Variants in MYO7B observed in about 807,000 individuals in gnomAD.
The protein encoded by MYO7B is unconventional myosin-VIIb.
Under a neutral mutation model 259.7 loss-of-function variants are expected in MYO7B, and 212 were observed. The observed-to-expected ratio is 0.82, with a 90% confidence interval of 0.73 to 0.91. The LOEUF (loss-of-function observed/expected upper bound fraction) is 0.91, where lower values mean the gene tolerates loss of function less well. Ranked by LOEUF, MYO7B falls within the 40% of genes least tolerant of loss-of-function variation. MYO7B has a pLI of 0.00. For synonymous variants in MYO7B, 1,197 were observed against 1,166.4 expected (o/e 1.03, Z -0.54); for missense variants, 2,732 against 2,813.5 (o/e 0.97, Z 0.66).
At chr2:127,543,741 T>C (rs890043082) in intron 1 of MYO7B, among the ~76,000 whole-genome samples, 3 of 151,252 alleles carry the variant, frequency 2.0e-5, no homozygotes, top group South Asian at 2.1e-4. Flanking sequence ...TCTCTCTCCA[T>C]ATATATATAT....
At chr2:127,631,044 T>G (rs1239981856) in intron 36 of MYO7B, 136 bp downstream of exon 36, 2 of 1,373,580 alleles carry the variant, frequency 1.5e-6, no homozygotes, top group Non-Finnish European at 2.0e-6. Flanking sequence ...GCCACCCATG[T>G]GGAGCCTGCC....
At chr2:127,564,703 C>T (rs913210978) in intron 3 of MYO7B, among the ~76,000 whole-genome samples, 5 of 152,146 alleles carry the variant, frequency 3.3e-5, no homozygotes, top group Admixed American at 6.5e-5. Flanking sequence ...AGTGTCCAGC[C>T]GGTCACTTAG....
intron 10 of MYO7B, 78 bp from the exon 11 acceptor site, chr2:127,581,813 G>C: frequency 6.3e-7 from 1 of 1,592,936 alleles, no homozygotes; most frequent in South Asian, 1.1e-5. Flanking sequence ...GAGGGAACAA[G>C]ACTTGGCAGA....
Position 127,546,284 on chromosome 2 carries a change from G to A in MYO7B, c.-24+10453G>A, listed in dbSNP as rs1445100785. 6.6e-6 allele frequency among the ~76,000 whole-genome samples: 1 copy of A among 152,190 alleles called. No homozygotes were observed. Among genetic ancestry groups the A allele is most frequent in the Non-Finnish European group, 1.5e-5 (1 of 68,044 alleles). The stretch of plus-strand genomic sequence containing the variant: ...GATCTGTGAAGTGGGATGTCTCCAT[G>A]GACAGCACAGGGTTGCTGTGGGGCT... On this transcript the variant is annotated intron_variant, in intron 1 of 47. Transcript: ENST00000409816. The surrounding 1 kb of genome is among the most constrained non-coding windows in gnomAD (Gnocchi z 4.2).
intron 38 of MYO7B, 31 bp downstream of exon 38, chr2:127,631,784 G>A (rs749002193): frequency 1.9e-6 from 3 of 1,605,044 alleles, no homozygotes; most frequent in African/African-American, 2.7e-5. Context: ...GCCCACGCGG[G>A]CACCCTCAGT....
At chr2:127,591,594 G>A (rs977576080) in intron 16 of MYO7B, among the ~76,000 whole-genome samples, 1 of 152,242 alleles carries the variant, frequency 6.6e-6, no homozygotes, top group Non-Finnish European at 1.5e-5. Context: ...GTGAAGCGCA[G>A]CTAAACACTT....
chr2:127,636,376 CCAGCCCCAG>C lies in MYO7B; in HGVS notation c.6123+56_6123+64del, dbSNP rs1382411929. Reference sequence around the variant, plus strand: ...CCTACCCAAGCAGGCTCCGCTCAGCCCAGCCCCAGCAGGCCCAGCGTCAACCAGCACACA... The same window carrying C: ...CCTACCCAAGCAGGCTCCGCTCAGCCCAGGCCCAGCGTCAACCAGCACACA... On this transcript the variant is annotated intron_variant, in intron 45 of 47. Transcript: ENST00000409816. This position sits in a 1 kb window ranked among gnomAD's most constrained non-coding sequence, Gnocchi z 4.5. 73 of 1,546,842 alleles carry C rather than the reference CCAGCCCCAG, an allele frequency of 4.7e-5. No individual in the cohort carries two copies. Among genetic ancestry groups the C allele is most frequent in the Non-Finnish European group, 8.9e-6 (10 of 1,121,842 alleles).
chr2:127,627,005 C>G lies in MYO7B; in HGVS notation c.4246C>G (p.Leu1416Val). ...ATACACTCAGAAGCAAGTCACACCACTGGCCGTGCGAGAGCAGGTGGTGGA... is the reference window on the plus strand; with the variant it reads ...ATACACTCAGAAGCAAGTCACACCAGTGGCCGTGCGAGAGCAGGTGGTGGA... ...APYTQKQVTP[L>V]AVREQVVDAA... The change falls in exon 32 of 48, where the codon CTG (leucine) becomes GTG (valine). Residue 1416 changes from leucine to valine, a missense_variant. Leu to Val is a conservative substitution (Grantham distance 32, BLOSUM62 1). Around this residue, in one of 3 missense-constraint regions of MYO7B, gnomAD observed 1,906 missense variants for 2,026.4 expected, o/e 0.94. Coordinates refer to ENST00000409816, the MANE Select transcript of MYO7B (RefSeq NM_001393586.1). The surrounding 1 kb of genome is among the most constrained non-coding windows in gnomAD (Gnocchi z 5.6). The G allele has an allele frequency of 6.2e-7, 1 of 1,611,724 alleles. No individual in the cohort carries two copies. The highest frequency in any genetic ancestry group is 8.5e-7 in the Non-Finnish European group (1 of 1,179,298).
rs531331268 is a variant in MYO7B, at chr2:127,632,414, C to T, written c.5405+13C>T. On this transcript the variant is annotated intron_variant, in intron 39 of 47. Coordinates refer to ENST00000409816, the MANE Select transcript of MYO7B (RefSeq NM_001393586.1). ...AGAAGGTCCTGAGGTGAGCCCAGTGCCTCCAGCCCCCAGCATTGGCCCTGG... is the reference window on the plus strand; with the variant it reads ...AGAAGGTCCTGAGGTGAGCCCAGTGTCTCCAGCCCCCAGCATTGGCCCTGG... 3.3e-6 allele frequency: 5 copies of T among 1,517,596 alleles called. No homozygotes were observed. Among genetic ancestry groups the T allele is most frequent in the Admixed American group, 2.2e-5 (1 of 46,432 alleles). 94.0% of individuals were successfully genotyped at this position (1,517,596 alleles called of 1,614,324 possible).
chr2:127,594,921 G>A (rs1679704985), intron 18 of MYO7B, among the ~76,000 whole-genome samples: 1 of 152,138 alleles, frequency 6.6e-6, no homozygotes, highest in African/African-American at 2.4e-5. Flanking sequence ...CAGGAATATT[G>A]GCCTGAAGTT....
At chr2:127,561,670 G>T (rs1456928171) in intron 2 of MYO7B, among the ~76,000 whole-genome samples, 1 of 152,168 alleles carries the variant, frequency 6.6e-6, no homozygotes, top group African/African-American at 2.4e-5. Context: ...TGTGAAGCGG[G>T]CCCTTTCAAC....
chr2:127,551,941 A>C (rs1573611847), intron 1 of MYO7B, among the ~76,000 whole-genome samples: 1 of 151,988 alleles, frequency 6.6e-6, no homozygotes. Context: ...AGGCCATGAG[A>C]CCACCCTGCC....
rs1196965196 is a variant in MYO7B at position 127,608,780 on chromosome 2, T to A, written c.2716T>A (p.Tyr906Asn). 6.2e-7 allele frequency: 1 copy of A among 1,613,496 alleles called. No homozygotes were observed. The highest frequency in any genetic ancestry group is 8.5e-7 in the Non-Finnish European group (1 of 1,179,882). ...CCCTGCCAAGAAGCGCAGATCCATCTACGACACCGTCACTGACACGGAGAT... is the reference window on the plus strand; with the variant it reads ...CCCTGCCAAGAAGCGCAGATCCATCAACGACACCGTCACTGACACGGAGAT... ...ALPAKKRRSIYDTVTDTEMVE... is the reference protein window; with the variant it reads ...ALPAKKRRSINDTVTDTEMVE... Residue 906 changes from tyrosine to asparagine, a missense_variant, in exon 22 of 48, where the codon TAC (tyrosine) becomes AAC (asparagine). Physicochemically the swap from Tyr to Asn is moderately radical, Grantham distance 143. Coordinates refer to ENST00000409816, the MANE Select transcript of MYO7B (RefSeq NM_001393586.1).
chr2:127,554,142 T>A (rs1693552715), intron 1 of MYO7B, among the ~76,000 whole-genome samples: 2 of 152,220 alleles, frequency 1.3e-5, no homozygotes, highest in African/African-American at 4.8e-5. Flanking sequence ...TGGTGCAATC[T>A]CAGCTCACCA....
At chr2:127,592,077 T>C (rs1679579605) in intron 16 of MYO7B, among the ~76,000 whole-genome samples, 1 of 152,302 alleles carries the variant, frequency 6.6e-6, no homozygotes, top group Non-Finnish European at 1.5e-5. Flanking sequence ...CCCCGACCTA[T>C]GTAGGCAAGG....
At chr2:127,605,992 G>T in intron 20 of MYO7B, 64 bp downstream of exon 20, 1 of 1,360,902 alleles carries the variant, frequency 7.3e-7, no homozygotes, top group Non-Finnish European at 1.0e-6. Context: ...GTAAAAGACA[G>T]ATTTGTAAAG....
chr2:127,577,447 T>C lies in MYO7B; in HGVS notation c.850-686T>C, dbSNP rs1159843190. Among the ~76,000 whole-genome samples the C allele has an allele frequency of 6.6e-6, 1 of 152,150 alleles. No individual in the cohort carries two copies. Among genetic ancestry groups the C allele is most frequent in the Non-Finnish European group, 1.5e-5 (1 of 68,008 alleles). On this transcript the variant is annotated intron_variant, in intron 8 of 47. Coordinates refer to ENST00000409816, the MANE Select transcript of MYO7B (RefSeq NM_001393586.1). The surrounding 1 kb of genome is among the most constrained non-coding windows in gnomAD (Gnocchi z 5.2). Reference sequence around the variant, plus strand: ...TGGATGGCACTGCTGCAGTGACCCCTGCGGCTTGTAGGGTAGAAGTCCAAA... The same window carrying C: ...TGGATGGCACTGCTGCAGTGACCCCCGCGGCTTGTAGGGTAGAAGTCCAAA...
intron 47 of MYO7B, 188 bp downstream of exon 47, chr2:127,637,101 C>A (rs184910731): frequency 4.8e-5 from 54 of 1,122,930 alleles, no homozygotes; most frequent in Non-Finnish European, 6.4e-5. Context: ...CAAGGCCAGG[C>A]GGGACCCCCT....
Position 127,628,402 on chromosome 2 carries a change from C to G in MYO7B, c.4491C>G (p.Leu1497=). 1 of 1,601,198 alleles carries G rather than the reference C, an allele frequency of 6.2e-7. No individual in the cohort carries two copies. The highest frequency in any genetic ancestry group is 8.5e-7 in the Non-Finnish European group (1 of 1,175,910). The part of the protein sequence containing the change: ...REAQGGQRLL[L]STMHEEYEFV... ...CCCAGGGCGGGCAGAGGCTGCTGCT[C>G]TCCACGATGCATGAGGAGTACGAGT... The change falls in exon 34 of 48, where the codon CTC becomes CTG. Residue 1497 remains leucine, a synonymous_variant. Transcript: ENST00000409816. This position sits in a 1 kb window ranked among gnomAD's most constrained non-coding sequence, Gnocchi z 4.8.
Sources: gnomAD v4.1 joint callset for allele counts (sites outside exome capture counted in the v4.1 genomes callset) on GRCh38, gnomAD v4.1.1 for gene constraint, gnomAD v4.1.1 regional missense constraint, Gnocchi (gnomAD v3.1) non-coding constraint, MANE v1.5 for transcripts, NCBI Gene and HGNC (gene_info 2026-07-23, HGNC 2026-07-21) for gene names.